Variants in ARHGEF38 observed in about 807,000 individuals in gnomAD.
ARHGEF38 encodes Rho guanine nucleotide exchange factor 38.
A neutral mutation model predicts 79.9 loss-of-function variants in ARHGEF38; 79 were observed. The observed-to-expected ratio is 0.99, with a 90% confidence interval of 0.82 to 1.19. The LOEUF is 1.19. ARHGEF38 is among the 50% of genes most tolerant of loss of function. ARHGEF38 has a pLI of 0.00. For synonymous variants in ARHGEF38, 366 were observed against 328.3 expected (o/e 1.11, Z -1.24); for missense variants, 962 against 907.2 (o/e 1.06, Z -0.78).
In ARHGEF38 at chr4:105,562,996, G is replaced by C. The variant is rs1250856353; in HGVS notation, c.196+10035G>C. ...AGTGTTGTGAAGGACCTGGGCCCTTGTATCACACTTTACGTTTGGGGATGT... is the reference window on the plus strand; with the variant it reads ...AGTGTTGTGAAGGACCTGGGCCCTTCTATCACACTTTACGTTTGGGGATGT... On this transcript the variant is annotated intron_variant, in intron 1 of 13. Transcript: ENST00000420470. Among the ~76,000 whole-genome samples, 4 of 152,128 alleles carry C rather than the reference G, an allele frequency of 2.6e-5. No homozygotes were observed. The South Asian group carries it at 8.3e-4, about 32-fold the overall frequency.
chr4:105,567,160 C>T (rs1578260352), intron 1 of ARHGEF38, among the ~76,000 whole-genome samples: 1 of 152,146 alleles, frequency 6.6e-6, no homozygotes. Context: ...AACATAATGG[C>T]CTCCAGTTCC....
chr4:105,642,127 A>G (rs17327234), intron 5 of ARHGEF38, among the ~76,000 whole-genome samples: 11,644 of 152,162 alleles, frequency 0.077, 456 homozygotes, highest in Middle Eastern at 0.099. Context: ...GGTTACCAGA[A>G]CTGAATCTTA....
intron 3 of ARHGEF38, among the ~76,000 whole-genome samples, chr4:105,615,739 C>T (rs547340770): frequency 9.2e-5 from 14 of 152,248 alleles, no homozygotes; most frequent in African/African-American, 2.9e-4. Context: ...GTGCAGTTAA[C>T]GGTTCTCACT....
At chr4:105,663,497 C>T (rs1730637316) in intron 10 of ARHGEF38, among the ~76,000 whole-genome samples, 1 of 152,144 alleles carries the variant, frequency 6.6e-6, no homozygotes. Flanking sequence ...AACCATCATT[C>T]TATTTTCTGT....
At chr4:105,644,415 G>T (rs1185935082) in intron 5 of ARHGEF38, among the ~76,000 whole-genome samples, 1 of 152,170 alleles carries the variant, frequency 6.6e-6, no homozygotes, top group African/African-American at 2.4e-5. Context: ...ATCAATGAGA[G>T]TGGGCTAGAC....
At chr4:105,614,544 G>T (rs1221338872) in intron 3 of ARHGEF38, among the ~76,000 whole-genome samples, 1 of 152,174 alleles carries the variant, frequency 6.6e-6, no homozygotes, top group Non-Finnish European at 1.5e-5. Context: ...AAAGTTTAAT[G>T]AGGAAAGCTG....
intron 2 of ARHGEF38, among the ~76,000 whole-genome samples, chr4:105,613,128 GT>G (rs1435526065): frequency 6.6e-6 from 1 of 151,890 alleles, no homozygotes; most frequent in African/African-American, 2.4e-5. Context: ...TCCCATTCTG[GT>G]TCTTATAGGA....
intron 3 of ARHGEF38, among the ~76,000 whole-genome samples, chr4:105,630,581 G>T (rs1729141839): frequency 6.6e-6 from 1 of 152,044 alleles, no homozygotes; most frequent in Non-Finnish European, 1.5e-5. Flanking sequence ...CATCAACCTT[G>T]TGTGTAAAGT....
intron 2 of ARHGEF38, among the ~76,000 whole-genome samples, chr4:105,606,949 C>T (rs910954520): frequency 1.3e-5 from 2 of 152,086 alleles, no homozygotes; most frequent in African/African-American, 2.4e-5. Context: ...TCTACAGTGA[C>T]ATGAACTACT....
At chr4:105,575,948 C>T (rs1048519098) in intron 1 of ARHGEF38, among the ~76,000 whole-genome samples, 1 of 152,098 alleles carries the variant, frequency 6.6e-6, no homozygotes. Context: ...TGTTGAAGAT[C>T]AACTGTTTAT....
At chr4:105,560,807 A>T (rs1033825949) in intron 1 of ARHGEF38, among the ~76,000 whole-genome samples, 2 of 152,176 alleles carry the variant, frequency 1.3e-5, no homozygotes, top group Non-Finnish European at 2.9e-5. Context: ...ATAGCACTTC[A>T]CAGAAACTGT....
intron 2 of ARHGEF38, among the ~76,000 whole-genome samples, chr4:105,611,250 G>T (rs1728281281): frequency 6.6e-6 from 1 of 152,062 alleles, no homozygotes; most frequent in Non-Finnish European, 1.5e-5. Context: ...TATAAAGCAA[G>T]TAAATTAGGG....
chr4:105,637,241 A>G (rs192201474), intron 5 of ARHGEF38, among the ~76,000 whole-genome samples: 13 of 152,224 alleles, frequency 8.5e-5, no homozygotes, highest in Non-Finnish European at 1.6e-4. Context: ...AATATCTGTC[A>G]TTCATATTTT....
intron 5 of ARHGEF38, among the ~76,000 whole-genome samples, chr4:105,644,061 T>A (rs982165155): frequency 1.3e-4 from 19 of 151,594 alleles, no homozygotes; most frequent in African/African-American, 3.9e-4. Flanking sequence ...AGAGACGGGG[T>A]TTTGCTATGT....
At chr4:105,592,053 A>G (rs1394701211) in intron 2 of ARHGEF38, among the ~76,000 whole-genome samples, 1 of 152,168 alleles carries the variant, frequency 6.6e-6, no homozygotes, top group African/African-American at 2.4e-5. Context: ...ATAGCATCAG[A>G]CTCTGTCACT....
At chr4:105,664,305 C>T (rs534350698) in intron 10 of ARHGEF38, among the ~76,000 whole-genome samples, 8 of 152,192 alleles carry the variant, frequency 5.3e-5, no homozygotes, top group Non-Finnish European at 8.8e-5. Flanking sequence ...ATTTGTCCTT[C>T]GCTCCCTTTA....
chr4:105,655,831 A>G (rs923082426), intron 9 of ARHGEF38, 109 bp downstream of exon 9: 4 of 1,180,496 alleles, frequency 3.4e-6, no homozygotes, highest in Admixed American at 2.9e-5. Context: ...CACTAAAGCA[A>G]ATATTAATGT....
intron 2 of ARHGEF38, among the ~76,000 whole-genome samples, chr4:105,593,521 G>C (rs1727436121): frequency 6.6e-6 from 1 of 152,190 alleles, no homozygotes; most frequent in South Asian, 2.1e-4. Context: ...CTGAGAGACA[G>C]AGCAAGACCC....
intron 3 of ARHGEF38, among the ~76,000 whole-genome samples, chr4:105,624,682 C>A (rs1728870827): frequency 6.6e-6 from 1 of 152,134 alleles, no homozygotes; most frequent in Non-Finnish European, 1.5e-5. Context: ...CAGAATGAGG[C>A]TAGGAAAGAA....
Sources: gnomAD v4.1 joint callset for allele counts (sites outside exome capture counted in the v4.1 genomes callset) on GRCh38, gnomAD v4.1.1 for gene constraint, MANE v1.5 for transcripts, NCBI Gene and HGNC (gene_info 2026-07-23, HGNC 2026-07-21) for gene names.